Variants in SORCS3 observed in about 807,000 individuals in gnomAD.
SORCS3 encodes the protein VPS10 domain-containing receptor SorCS3.
In SORCS3, 57 loss-of-function variants were observed where a neutral mutation model predicts 146.3. That is an observed-to-expected ratio of 0.39 (90% CI 0.31 to 0.49). SORCS3 has a LOEUF of 0.49. Ranked by LOEUF, SORCS3 falls within the 20% of genes least tolerant of loss-of-function variation. The pLI is 0.92. For synonymous variants in SORCS3, 653 were observed against 618.5 expected, an observed-to-expected ratio of 1.06 and a Z score of -0.83; for missense variants, 1,341 against 1,575.5, an observed-to-expected ratio of 0.85 and a Z score of 2.52.
At chr10:105,203,630 C>A (rs2056586442) in intron 16 of SORCS3, among the ~76,000 whole-genome samples, 1 of 152,046 alleles carries the variant, frequency 6.6e-6, no homozygotes, top group Non-Finnish European at 1.5e-5. Context: ...CTGGTCTGGG[C>A]AAAAATTCTA....
At chr10:104,883,975 T>TTG (rs1554856910) in intron 2 of SORCS3, among the ~76,000 whole-genome samples, 2 of 145,556 alleles carry the variant, frequency 1.4e-5, no homozygotes, top group Admixed American at 6.7e-5. Flanking sequence ...TGCTGTGGAA[T>TTG]GAGGGGGGGG....
At chr10:105,133,409 A>C (rs1416480723) in intron 7 of SORCS3, among the ~76,000 whole-genome samples, 1 of 152,166 alleles carries the variant, frequency 6.6e-6, no homozygotes, top group African/African-American at 2.4e-5. Context: ...TTAAGGTTTC[A>C]GGTACAGACT....
intron 2 of SORCS3, among the ~76,000 whole-genome samples, chr10:104,843,341 G>A (rs1368718797): frequency 6.6e-6 from 1 of 152,164 alleles, no homozygotes; most frequent in Non-Finnish European, 1.5e-5. Flanking sequence ...GCATGATGAT[G>A]TTCTGATCCC....
intron 1 of SORCS3, among the ~76,000 whole-genome samples, chr10:104,682,704 A>G (rs2015993997): frequency 1.3e-5 from 2 of 152,202 alleles, no homozygotes; most frequent in East Asian, 1.9e-4. Flanking sequence ...TTTCTCCAGC[A>G]TATTTATTTT....
At chr10:104,981,246 C>T (rs1256313605) in intron 4 of SORCS3, among the ~76,000 whole-genome samples, 1 of 152,150 alleles carries the variant, frequency 6.6e-6, no homozygotes, top group African/African-American at 2.4e-5. Flanking sequence ...ATTCTCCTGC[C>T]ATCTTGCATT....
intron 4 of SORCS3, among the ~76,000 whole-genome samples, chr10:105,026,101 A>G (rs2133692142): frequency 6.6e-6 from 1 of 152,096 alleles, no homozygotes; most frequent in Admixed American, 6.5e-5. Flanking sequence ...TCCTCCACTA[A>G]TTAGTCAATG....
intron 1 of SORCS3, among the ~76,000 whole-genome samples, chr10:104,807,323 CT>C (rs1431370512): frequency 1.3e-5 from 2 of 152,010 alleles, no homozygotes; most frequent in African/African-American, 4.8e-5. Context: ...TTGGGGATTC[CT>C]TGGCCCATGG....
At chr10:104,876,715 C>CTTCA (rs2018575871) in intron 2 of SORCS3, among the ~76,000 whole-genome samples, 1 of 85,682 alleles carries the variant, frequency 1.2e-5, no homozygotes, top group Non-Finnish European at 2.2e-5. Context: ...TCCTTCCTTC[C>CTTCA]TTCCTTCCTT....
At chr10:104,688,626 T>C (rs1490102821) in intron 1 of SORCS3, among the ~76,000 whole-genome samples, 1 of 152,214 alleles carries the variant, frequency 6.6e-6, no homozygotes, top group Non-Finnish European at 1.5e-5. Context: ...CCCTTTCTTG[T>C]TCTTTTTCTC....
intron 3 of SORCS3, among the ~76,000 whole-genome samples, chr10:104,964,109 C>G (rs911380266): frequency 6.6e-6 from 1 of 152,078 alleles, no homozygotes; most frequent in Admixed American, 6.6e-5. Context: ...ATGCTCTATT[C>G]GACATGGTAG....
intron 1 of SORCS3, among the ~76,000 whole-genome samples, chr10:104,818,520 G>C (rs1413471885): frequency 6.6e-6 from 1 of 151,894 alleles, no homozygotes; most frequent in Non-Finnish European, 1.5e-5. Flanking sequence ...CCCTTCAAAA[G>C]AAGAGATATG....
Position 105,105,500 on chromosome 10 carries a change from A to C in SORCS3, c.1197A>C (p.Glu399Asp), listed in dbSNP as rs2055814647. ...IDISSLVVQD[E>D]YIFIQVTTSG... ...TCAGTTCCCTGGTTGTCCAGGATGA[A>C]TATATCTTCATTCAGGTGAGTACAG... The change falls in exon 7 of 27, where the codon GAA becomes GAC. Residue 399 changes from glutamate (E) to aspartate (D), a missense_variant. Coordinates refer to ENST00000369701, the MANE Select transcript of SORCS3 (RefSeq NM_014978.3). 1 of 1,610,836 alleles carries C rather than the reference A, an allele frequency of 6.2e-7. No homozygotes were observed. Among genetic ancestry groups the C allele is most frequent in the Non-Finnish European group, 8.5e-7 (1 of 1,177,092 alleles).
intron 4 of SORCS3, among the ~76,000 whole-genome samples, chr10:105,000,848 T>C (rs2055056806): frequency 6.6e-6 from 1 of 152,172 alleles, no homozygotes; most frequent in African/African-American, 2.4e-5. Context: ...GATAAGTGTC[T>C]TTTCCTTATG....
intron 7 of SORCS3, among the ~76,000 whole-genome samples, chr10:105,115,245 A>G (rs1436785327): frequency 6.6e-6 from 1 of 152,198 alleles, no homozygotes; most frequent in African/African-American, 2.4e-5. Context: ...GTAGAATGGA[A>G]TCATGCTACT....
At chr10:104,989,740 G>A (rs1365409357) in intron 4 of SORCS3, among the ~76,000 whole-genome samples, 3 of 152,170 alleles carry the variant, frequency 2.0e-5, no homozygotes, top group Non-Finnish European at 4.4e-5. Flanking sequence ...TGAGGCCAGA[G>A]AGCAAGGAGT....
intron 4 of SORCS3, among the ~76,000 whole-genome samples, chr10:105,034,159 G>T (rs2055289670): frequency 6.6e-6 from 1 of 152,178 alleles, no homozygotes; most frequent in South Asian, 2.1e-4. Flanking sequence ...CGTGAGAGCA[G>T]ATGACAGTGG....
chr10:105,044,535 G>T (rs1042452909), intron 5 of SORCS3, among the ~76,000 whole-genome samples: 5 of 152,136 alleles, frequency 3.3e-5, no homozygotes, highest in African/African-American at 1.2e-4. Context: ...CTGTGTGTGT[G>T]TTGAAGATGG....
intron 3 of SORCS3, among the ~76,000 whole-genome samples, chr10:104,921,451 G>T (rs926091390): frequency 3.5e-4 from 53 of 152,178 alleles, no homozygotes; most frequent in African/African-American, 1.2e-3. Context: ...AACAGCCAGA[G>T]AATGTGACCA....
chr10:104,981,022 A>G (rs1374653098), intron 4 of SORCS3, among the ~76,000 whole-genome samples: 1 of 151,276 alleles, frequency 6.6e-6, no homozygotes, highest in Non-Finnish European at 1.5e-5. Flanking sequence ...TGAGTCCTCC[A>G]AAGCTGCAAA....
Sources: gnomAD v4.1 joint callset for allele counts (sites outside exome capture counted in the v4.1 genomes callset) on GRCh38, gnomAD v4.1.1 for gene constraint, MANE v1.5 for transcripts, NCBI Gene and HGNC (gene_info 2026-07-23, HGNC 2026-07-21) for gene names.